Variants in ZNF334 observed in about 807,000 individuals in gnomAD.
The protein encoded by ZNF334 is zinc finger protein 334.
ZNF334 carries 14 observed loss-of-function variants against 12.4 expected under a neutral mutation model. The observed-to-expected ratio is 1.13, with a 90% CI of 0.74 to 1.76. ZNF334 has a LOEUF of 1.76. Among genes scored for constraint, ZNF334 ranks in the 40% most tolerant of loss-of-function variants. ZNF334 has a pLI of 0.00. For missense variants in ZNF334, 797 were observed against 804.5 expected, an observed-to-expected ratio of 0.99 and a Z score of 0.11; for synonymous variants, 273 against 269.6, an observed-to-expected ratio of 1.01 and a Z score of -0.12.
rs1173812595 is a variant in ZNF334 at position 46,501,429 on chromosome 20, T to C, written c.1910A>G (p.Tyr637Cys). Reference protein sequence around the residue: ...PYECNQCGKTYRRLWTLTEHQ... With the variant: ...PYECNQCGKTCRRLWTLTEHQ... ...TTCAGTGAGAGTCCACAGGCGACGG[T>C]AGGTTTTCCCACATTGATTACATTC... The change falls in exon 5 of 5, where the codon TAC becomes TGC. Residue 637 changes from tyrosine to cysteine, a missense_variant. Transcript: ENST00000692313. 10 of 1,613,662 alleles carry C rather than the reference T, an allele frequency of 6.2e-6. No individual in the cohort carries two copies. The highest frequency in any genetic ancestry group is 2.7e-5 in the African/African-American group (2 of 74,812).
intron 2 of ZNF334, among the ~76,000 whole-genome samples, chr20:46,507,559 G>T (rs534877963): frequency 8.5e-5 from 13 of 152,206 alleles, no homozygotes; most frequent in Non-Finnish European, 1.5e-4. Flanking sequence ...GGAAACACAG[G>T]TATTTTGTGT....
In ZNF334 at chr20:46,502,117, TAC is replaced by T; in HGVS notation, c.1220_1221del (p.Cys407Ter). On this transcript the variant is annotated frameshift_variant, in exon 5 of 5. Transcript: ENST00000692313. LOFTEE classifies it low-confidence loss of function (END_TRUNC). ...CAAAAGAAGGTTTTCTCACATTCAC[TAC>T]ATTCATAGGGTTTTTCCCCTGTGTG... ...RIHTGEKPYE[C>X]SECEKTFFCQ... 6.2e-7 allele frequency: 1 copy of T among 1,614,234 alleles called. No individual in the cohort carries two copies. Among genetic ancestry groups the T allele is most frequent in the Non-Finnish European group, 8.5e-7 (1 of 1,180,034 alleles).
intron 2 of ZNF334, among the ~76,000 whole-genome samples, chr20:46,507,588 C>T (rs148811433): frequency 6.6e-6 from 1 of 152,288 alleles, no homozygotes; most frequent in Non-Finnish European, 1.5e-5. Context: ...TCTCATTCTT[C>T]GTATTTAAAA....
the ZNF334 span, chr20:46,465,193 G>A: frequency 5.0e-6 from 1 of 200,022 alleles, no homozygotes; most frequent in Non-Finnish European, 1.0e-5. Flanking sequence ...GGTGACTGTG[G>A]GATGGGGTGG....
In ZNF334 at chr20:46,500,597, T is replaced by C. The variant is rs1225072370; in HGVS notation, c.*699A>G. The C allele has an allele frequency of 6.6e-6, 1 of 152,248 alleles. No homozygotes were observed. The highest frequency in any genetic ancestry group is 1.5e-5 in the Non-Finnish European group (1 of 68,044). The allele number at this position is 152,248 out of a possible 1,614,324, so 9.4% of individuals were successfully genotyped here. ...TTGTTCAAGAATGCTTATTTTCCCA[T>C]GTTTTTCCTACTGCAATTGCCGTCT... On this transcript the variant is annotated 3_prime_UTR_variant, in exon 5 of 5. Coordinates refer to ENST00000692313, the MANE Select transcript of ZNF334 (RefSeq NM_001353824.2).
chr20:46,507,033 G>T (rs1438476447), intron 2 of ZNF334, among the ~76,000 whole-genome samples: 1 of 151,804 alleles, frequency 6.6e-6, no homozygotes, highest in African/African-American at 2.4e-5. Context: ...AGGATTGCTT[G>T]AGCTGAGGAG....
intron 2 of ZNF334, among the ~76,000 whole-genome samples, chr20:46,506,837 C>A (rs1601050916): frequency 2.6e-5 from 4 of 151,960 alleles, no homozygotes. Flanking sequence ...GTAGGCCAGG[C>A]GTGGTGCCTC....
chr20:46,463,460 C>T, the ZNF334 span, among the ~76,000 whole-genome samples: 16 of 152,328 alleles, frequency 1.1e-4, no homozygotes, highest in African/African-American at 3.8e-4. Context: ...GGATCCACAT[C>T]CTGTGTTGGA....
chr20:46,498,012 T>A (rs2061053214), downstream of ZNF334, among the ~76,000 whole-genome samples: 1 of 152,240 alleles, frequency 6.6e-6, no homozygotes, highest in African/African-American at 2.4e-5. Context: ...TTTATCTCTA[T>A]CTCTAGAAAG....
intron 2 of ZNF334, among the ~76,000 whole-genome samples, chr20:46,506,987 G>A (rs1053912059): frequency 4.0e-5 from 6 of 151,558 alleles, no homozygotes; most frequent in Admixed American, 3.3e-4. Flanking sequence ...GGTGGCACAT[G>A]CCTGTAGTCC....
chr20:46,478,798 G>A, the ZNF334 span, among the ~76,000 whole-genome samples: 4 of 152,160 alleles, frequency 2.6e-5, no homozygotes, highest in African/African-American at 9.7e-5. Flanking sequence ...GGTGCTGGTG[G>A]CTGGGCCCTG....
chr20:46,509,376 G>A (rs992756452), intron 2 of ZNF334, among the ~76,000 whole-genome samples: 8 of 152,074 alleles, frequency 5.3e-5, no homozygotes, highest in African/African-American at 1.4e-4. Context: ...TGAGGGTGAG[G>A]GAAGTAAGGA....
At position 46,510,683 on chromosome 20, in the gene ZNF334, G is replaced by A. The variant is rs182433751; in HGVS notation, c.21+1399C>T. Among the ~76,000 whole-genome samples, 536 of 151,616 alleles carry A rather than the reference G, an allele frequency of 3.5e-3. 1 individual carries two copies. Among genetic ancestry groups the A allele is most frequent in the African/African-American group, 0.012 (514 of 41,252 alleles). Reference sequence around the variant, plus strand: ...TGAGGCAGGAGAATGGTGTGAACCCGGGAGGCAGAGTTTGCAGTGAGCTGA... The same window carrying A: ...TGAGGCAGGAGAATGGTGTGAACCCAGGAGGCAGAGTTTGCAGTGAGCTGA... On this transcript the variant is annotated intron_variant, in intron 2 of 4. Coordinates refer to ENST00000692313, the MANE Select transcript of ZNF334 (RefSeq NM_001353824.2).
the ZNF334 span, among the ~76,000 whole-genome samples, chr20:46,466,520 G>A: frequency 2.6e-5 from 4 of 152,098 alleles, no homozygotes; most frequent in East Asian, 1.9e-4. Context: ...GTCTCGCTCC[G>A]TTGCCCAGAC....
At chr20:46,491,725 G>T in the ZNF334 span, 1 of 152,354 alleles carries the variant, frequency 6.6e-6, no homozygotes. Context: ...GAACTCATAC[G>T]GGAGAGAGAC....
At chr20:46,485,677 CAG>C in the ZNF334 span, 1 of 152,140 alleles carries the variant, frequency 6.6e-6, no homozygotes, top group East Asian at 1.9e-4. Flanking sequence ...TCCTAAAAGT[CAG>C]GGGATAAAAA....
At chr20:46,464,577 G>A in the ZNF334 span, 1 of 413,862 alleles carries the variant, frequency 2.4e-6, no homozygotes, top group Admixed American at 3.0e-5. Flanking sequence ...TGGTCTCTGG[G>A]CAGCATCCAT....
Position 46,502,590 on chromosome 20 carries a change from G to C in ZNF334, c.749C>G (p.Ser250Cys). Residue 250 changes from serine (S) to cysteine (C), a missense_variant, in exon 5 of 5, where the codon TCT becomes TGT. By Grantham distance (112) the Ser-to-Cys change is moderately radical. Transcript: ENST00000692313. The stretch of plus-strand genomic sequence containing the variant: ...AATTCTCTGATGTACAATGAGGGTA[G>C]ATCTCTTAGAAAAGGTTTTCCTACA... Reference protein sequence around the residue: ...NECRKTFSKRSTLIVHQRIHT... With the variant: ...NECRKTFSKRCTLIVHQRIHT... The C allele has an allele frequency of 6.2e-7, 1 of 1,613,814 alleles. No homozygotes were observed. The highest frequency in any genetic ancestry group is 8.5e-7 in the Non-Finnish European group (1 of 1,180,020).
chr20:46,491,740 C>T, the ZNF334 span: 1 of 152,842 alleles, frequency 6.5e-6, no homozygotes, highest in Non-Finnish European at 1.5e-5. Flanking sequence ...AGAGACCTTA[C>T]CAATGTACGA....
Sources: gnomAD v4.1 joint callset for allele counts (sites outside exome capture counted in the v4.1 genomes callset) on GRCh38, gnomAD v4.1.1 for gene constraint, MANE v1.5 for transcripts, NCBI Gene and HGNC (gene_info 2026-07-23, HGNC 2026-07-21) for gene names.